The following SYT14 variants were observed in gnomAD, a reference collection of about 807,000 sequenced individuals.
SYT14 encodes the protein synaptotagmin 14.
SYT14 carries 32 observed loss-of-function variants against 74.2 expected under a neutral mutation model. The ratio of observed to expected loss-of-function variants is 0.43; its 90% confidence interval spans 0.33 to 0.58. The LOEUF (loss-of-function observed/expected upper bound fraction) is 0.58, where lower values mean the gene tolerates loss of function less well. SYT14 is among the 20% of genes least tolerant of loss of function. The pLI is 0.05. For synonymous variants in SYT14, 298 were observed against 337.7 expected, an observed-to-expected ratio of 0.88 and a Z score of 1.29; for missense variants, 791 against 981.8, an observed-to-expected ratio of 0.81 and a Z score of 2.60.
Position 210,034,320 on chromosome 1 carries a change from A to T in SYT14, c.1312+13066A>T, listed in dbSNP as rs975723942. ...TAACTTAGATAACATAATATGAGAA[A>T]ATGTTCTTTTGTGTAACTGTTACAC... is the stretch of plus-strand genomic sequence containing the variant. On this transcript the variant is annotated intron_variant, in intron 5 of 9. Transcript: ENST00000637265. Among the ~76,000 whole-genome samples the T allele has an allele frequency of 2.6e-5, 4 of 151,738 alleles. No homozygotes were observed. The East Asian group carries it at 7.7e-4, about 29-fold the overall frequency.
intron 7 of SYT14, among the ~76,000 whole-genome samples, chr1:210,151,655 A>C (rs2083166800): frequency 6.6e-6 from 1 of 152,070 alleles, no homozygotes; most frequent in South Asian, 2.1e-4. Context: ...AAGGGACATG[A>C]GATTAGCACT....
At chr1:209,958,013 G>A (rs1186965667) in intron 2 of SYT14, among the ~76,000 whole-genome samples, 1 of 151,838 alleles carries the variant, frequency 6.6e-6, no homozygotes, top group East Asian at 1.9e-4. Flanking sequence ...TTAACCCTAA[G>A]ATCATAGCAA....
intron 1 of SYT14, among the ~76,000 whole-genome samples, chr1:209,945,887 C>G (rs1372326965): frequency 1.2e-4 from 19 of 152,260 alleles, no homozygotes; most frequent in East Asian, 5.8e-4. Flanking sequence ...AAGTTTGTGG[C>G]AACTCTGTTG....
intron 2 of SYT14, among the ~76,000 whole-genome samples, chr1:209,954,740 C>T (rs1324217507): frequency 6.6e-6 from 1 of 150,800 alleles, no homozygotes; most frequent in African/African-American, 2.4e-5. Context: ...CAGATTCTCA[C>T]TGTCTCCCAG....
chr1:210,039,586 A>C (rs1186497847), intron 5 of SYT14, among the ~76,000 whole-genome samples: 3 of 152,200 alleles, frequency 2.0e-5, no homozygotes, highest in African/African-American at 7.2e-5. Flanking sequence ...CTGTCATCAG[A>C]GTGAACAGGC....
Position 209,950,120 on chromosome 1 carries a change from T to C in SYT14, c.-533-2589T>C, listed in dbSNP as rs116029591. ...TATGTGGTAAAACCTAATCAATTTA[T>C]ATTAAATACGGGGGAGAGTTTAGTT... On this transcript the variant is annotated intron_variant, in intron 1 of 9. Coordinates refer to ENST00000637265, the Ensembl canonical transcript of SYT14. 5.9e-3 allele frequency among the ~76,000 whole-genome samples: 896 copies of C among 152,278 alleles called. 5 individuals carry two copies. Among genetic ancestry groups the C allele is most frequent in the African/African-American group, 0.017 (725 of 41,554 alleles).
intron 5 of SYT14, among the ~76,000 whole-genome samples, chr1:210,031,455 T>A (rs913395231): frequency 6.6e-6 from 1 of 152,164 alleles, no homozygotes; most frequent in African/African-American, 2.4e-5. Context: ...ATATTCACTC[T>A]ACTTCTCTCT....
At chr1:210,030,751 G>T (rs1034190118) in intron 5 of SYT14, among the ~76,000 whole-genome samples, 5 of 152,108 alleles carry the variant, frequency 3.3e-5, no homozygotes, top group South Asian at 2.1e-4. Context: ...TTTCTCTGTT[G>T]TTGGGATTCA....
chr1:210,148,250 T>A (rs1487903195), intron 7 of SYT14, among the ~76,000 whole-genome samples: 1 of 152,200 alleles, frequency 6.6e-6, no homozygotes, highest in African/African-American at 2.4e-5. Flanking sequence ...GGCTCATGCC[T>A]GTAATCCCAG....
chr1:210,121,156 T>C (rs1330662509), intron 7 of SYT14, among the ~76,000 whole-genome samples: 1 of 152,224 alleles, frequency 6.6e-6, no homozygotes, highest in South Asian at 2.1e-4. Flanking sequence ...AGCTACCTTA[T>C]AGATTTTTTG....
At chr1:210,011,708 A>C (rs2080090068) in intron 2 of SYT14, among the ~76,000 whole-genome samples, 1 of 152,216 alleles carries the variant, frequency 6.6e-6, no homozygotes, top group Non-Finnish European at 1.5e-5. Flanking sequence ...TTAAGATACT[A>C]TTTGCCATCG....
intron 5 of SYT14, among the ~76,000 whole-genome samples, chr1:210,042,713 G>A (rs1472424541): frequency 3.9e-5 from 6 of 152,074 alleles, no homozygotes; most frequent in Admixed American, 1.3e-4. Context: ...ATTGGTCTAT[G>A]TATCTGTTTT....
intron 5 of SYT14, among the ~76,000 whole-genome samples, chr1:210,077,103 CTT>C (rs1454054482): frequency 5.3e-5 from 8 of 151,922 alleles, no homozygotes; most frequent in African/African-American, 1.9e-4. Context: ...GTTTAATTAC[CTT>C]ACAGTTCTGC....
At chr1:210,033,175 G>GA (rs2080580633) in intron 5 of SYT14, among the ~76,000 whole-genome samples, 2 of 151,834 alleles carry the variant, frequency 1.3e-5, no homozygotes, top group South Asian at 4.1e-4. Flanking sequence ...GAAGCAAAAA[G>GA]AAAAGAGACC....
intron 5 of SYT14, among the ~76,000 whole-genome samples, chr1:210,048,256 C>G (rs1468386550): frequency 6.6e-6 from 1 of 152,162 alleles, no homozygotes; most frequent in Non-Finnish European, 1.5e-5. Context: ...CAATTGTTCA[C>G]TCAAACCGAC....
intron 2 of SYT14, among the ~76,000 whole-genome samples, chr1:209,981,901 T>G (rs2079494438): frequency 6.6e-6 from 1 of 152,252 alleles, no homozygotes; most frequent in East Asian, 1.9e-4. Flanking sequence ...CCTTTAAGAT[T>G]TTTTTCTTTA....
intron 2 of SYT14, among the ~76,000 whole-genome samples, chr1:209,964,656 T>A (rs1040871982): frequency 3.3e-5 from 5 of 152,114 alleles, no homozygotes; most frequent in Admixed American, 6.6e-5. Flanking sequence ...TTCCTTGTGC[T>A]CTCTCCCTAT....
chr1:209,987,573 T>A (rs1409624822), intron 2 of SYT14, among the ~76,000 whole-genome samples: 2 of 152,226 alleles, frequency 1.3e-5, no homozygotes, highest in African/African-American at 4.8e-5. Flanking sequence ...TCCCCCATGA[T>A]CCAAACACCT....
intron 2 of SYT14, among the ~76,000 whole-genome samples, chr1:209,982,182 G>A (rs1572108087): frequency 6.6e-6 from 1 of 151,698 alleles, no homozygotes; most frequent in Non-Finnish European, 1.5e-5. Flanking sequence ...TTTAAATAGG[G>A]TCTCACTCTG....
Sources: allele counts gnomAD v4.1 joint callset (sites outside exome capture counted in the v4.1 genomes callset), GRCh38; gene constraint gnomAD v4.1.1; transcripts MANE v1.5; gene names NCBI Gene and HGNC (gene_info 2026-07-23, HGNC 2026-07-21).